The following PCNX2 variants were observed in gnomAD, a reference collection of about 807,000 sequenced individuals.
The protein encoded by PCNX2 is pecanex 2.
Under a neutral mutation model 223.8 loss-of-function variants are expected in PCNX2, and 168 were observed. The ratio of observed to expected loss-of-function variants is 0.75; its 90% CI spans 0.66 to 0.85. The LOEUF (loss-of-function observed/expected upper bound fraction) is 0.85. Ranked by LOEUF, PCNX2 falls within the 40% of genes least tolerant of loss-of-function variation. The probability of loss-of-function intolerance (pLI) is 0.00; values close to 1 mark genes in which losing one functional copy is unlikely to be tolerated. For missense variants in PCNX2, 2,507 were observed against 2,675.5 expected (o/e 0.94, Z 1.39); for synonymous variants, 1,006 against 1,052.6 (o/e 0.96, Z 0.86).
At chr1:233,031,479 T>C (rs1476312240) in intron 25 of PCNX2, among the ~76,000 whole-genome samples, 1 of 152,248 alleles carries the variant, frequency 6.6e-6, no homozygotes, top group Non-Finnish European at 1.5e-5. Flanking sequence ...CATAGCAGTA[T>C]ATTGTATTAC....
At chr1:233,144,942 G>GTTTT in intron 19 of PCNX2, among the ~76,000 whole-genome samples, 1 of 138,146 alleles carries the variant, frequency 7.2e-6, no homozygotes, top group African/African-American at 2.7e-5. Context: ...ATTTGTTGTT[G>GTTTT]TTGTTGTTTT....
chr1:233,041,358 C>T (rs1671639599), intron 25 of PCNX2, among the ~76,000 whole-genome samples: 1 of 152,174 alleles, frequency 6.6e-6, no homozygotes, highest in African/African-American at 2.4e-5. Context: ...AATCCGAAAC[C>T]TTTTGAGCAC....
At chr1:233,071,132 C>A (rs1672836845) in intron 23 of PCNX2, among the ~76,000 whole-genome samples, 1 of 152,168 alleles carries the variant, frequency 6.6e-6, no homozygotes, top group African/African-American at 2.4e-5. Flanking sequence ...GGGAAAGCTG[C>A]AAGGATGTCC....
At chr1:232,985,941 T>C in intron 33 of PCNX2, 151 bp downstream of exon 33, 1 of 844,840 alleles carries the variant, frequency 1.2e-6, no homozygotes, top group African/African-American at 1.7e-5. Context: ...TCGTGTCTAA[T>C]CACTGTCCTT....
intron 19 of PCNX2, among the ~76,000 whole-genome samples, chr1:233,156,410 A>C (rs565020666): frequency 6.6e-6 from 1 of 152,342 alleles, no homozygotes; most frequent in East Asian, 1.9e-4. Flanking sequence ...GATGATGGTT[A>C]CATTAAACGC....
intron 12 of PCNX2, among the ~76,000 whole-genome samples, chr1:233,209,924 A>C (rs905014232): frequency 3.3e-5 from 5 of 152,262 alleles, no homozygotes; most frequent in African/African-American, 1.2e-4. Context: ...CAGTATACAA[A>C]TACACATGTA....
At chr1:232,995,601 T>C (rs1669848295) in intron 32 of PCNX2, among the ~76,000 whole-genome samples, 1 of 152,166 alleles carries the variant, frequency 6.6e-6, no homozygotes, top group African/African-American at 2.4e-5. Context: ...ACCCATGATT[T>C]TTGTTTTAAT....
In PCNX2 at chr1:233,295,331, G is replaced by A. The variant is rs1038876848; in HGVS notation, c.148C>T (p.His50Tyr). The stretch of plus-strand genomic sequence containing the variant: ...ACCGGACCCTCCCCACTCACCAGGT[G>A]CAGGGCCAGGGGCAGCAGCAGGAGG... ...LFLLLLPLAL[H>Y]LAFPPNAIIV... is the part of the protein sequence containing the mutation. Residue 50 changes from histidine to tyrosine, a missense_variant, in exon 1 of 34, where the codon CAC (histidine) becomes TAC (tyrosine). Coordinates refer to ENST00000258229, the MANE Select transcript of PCNX2 (RefSeq NM_014801.4). The surrounding 1 kb of genome is among the most constrained non-coding windows in gnomAD (Gnocchi z 4.1). 8 of 1,576,182 alleles carry A rather than the reference G, an allele frequency of 5.1e-6. No individual in the cohort carries two copies. The African/African-American group carries it at 8.1e-5, about 16-fold the overall frequency.
the PCNX2 span, among the ~76,000 whole-genome samples, chr1:233,321,072 G>T: frequency 4.2e-5 from 5 of 119,890 alleles, no homozygotes; most frequent in African/African-American, 6.5e-5. Context: ...CAGGCTGGAT[G>T]CAGTGGTGCG....
the PCNX2 span, among the ~76,000 whole-genome samples, chr1:233,325,624 G>A: frequency 6.6e-6 from 1 of 152,064 alleles, no homozygotes; most frequent in Non-Finnish European, 1.5e-5. Context: ...TGCATGAGCC[G>A]AGAAGTGGAG....
At chr1:233,306,029 A>G in the PCNX2 span, among the ~76,000 whole-genome samples, 1 of 152,244 alleles carries the variant, frequency 6.6e-6, no homozygotes. Context: ...ATTCAAGGAT[A>G]TAAACAGGTG....
At position 232,991,056 on chromosome 1, in the gene PCNX2, A is replaced by T. The variant is rs140563357; in HGVS notation, c.5792-4516T>A. On this transcript the variant is annotated intron_variant, in intron 32 of 33. Transcript: ENST00000258229. This position sits in a 1 kb window ranked among gnomAD's most constrained non-coding sequence, Gnocchi z 4.3. ...CACCTGAGCGTCCACCGTGGGCTGC[A>T]CTGTCCTAGGTGCCGGGCAGTGAGC... Among the ~76,000 whole-genome samples the T allele has an allele frequency of 2.2e-3, 328 of 152,290 alleles. 1 individual carries two copies. The highest frequency in any genetic ancestry group is 3.9e-3 in the Admixed American group (59 of 15,302).
the PCNX2 span, among the ~76,000 whole-genome samples, chr1:233,311,045 G>A: frequency 6.6e-6 from 1 of 152,172 alleles, no homozygotes; most frequent in Admixed American, 6.5e-5. Context: ...GCAGGAAGCC[G>A]CAAGTTATGC....
chr1:233,172,598 C>A, intron 17 of PCNX2: 1 of 956,338 alleles, frequency 1.0e-6, no homozygotes, highest in Non-Finnish European at 1.2e-6. Context: ...TGGACACCCA[C>A]CTGGGCTTCA....
In PCNX2 at chr1:233,149,567, T is replaced by C. The variant is rs564955093; in HGVS notation, c.3518-9712A>G. On this transcript the variant is annotated intron_variant, in intron 19 of 33. Transcript: ENST00000258229. ...CATCTGTGCTGTTACCATCCCCTTA[T>C]TATAGACAATTGCTTTTTTCTGTAA... is the stretch of plus-strand genomic sequence containing the variant. Among the ~76,000 whole-genome samples the C allele has an allele frequency of 3.9e-5, 6 of 152,318 alleles. No homozygotes were observed. The East Asian group carries it at 9.7e-4, about 25-fold the overall frequency.
chr1:233,286,568 G>A (rs191832357), intron 1 of PCNX2, among the ~76,000 whole-genome samples: 4 of 152,240 alleles, frequency 2.6e-5, no homozygotes, highest in Non-Finnish European at 4.4e-5. Context: ...AATGGGCTAC[G>A]GAGCAGAGGA....
In PCNX2 at chr1:233,044,978, T is replaced by C. The variant is rs78599369; in HGVS notation, c.4351+9290A>G. Among the ~76,000 whole-genome samples the C allele has an allele frequency of 4.9e-3, 747 of 152,312 alleles. 8 individuals are homozygous for C. Among genetic ancestry groups the C allele is most frequent in the African/African-American group, 0.017 (723 of 41,570 alleles). On this transcript the variant is annotated intron_variant, in intron 25 of 33. Transcript: ENST00000258229. Reference sequence around the variant, plus strand: ...GCCACCACACCCGTCCTATTTGTATTCTTGATATAGAATTTGTATCAATCA... The same window carrying C: ...GCCACCACACCCGTCCTATTTGTATCCTTGATATAGAATTTGTATCAATCA...
chr1:233,105,398 TA>T lies in PCNX2; in HGVS notation c.3838-9536del, dbSNP rs1232682096. ...AAACTAGTAATAAAAGAGTTCTTTT[TA>T]AACCTCATAGAGGATACCAGAGCTA... On this transcript the variant is annotated intron_variant, in intron 21 of 33. Transcript: ENST00000258229. Among the ~76,000 whole-genome samples the T allele has an allele frequency of 7.2e-5, 11 of 152,324 alleles. No homozygotes were observed. In the East Asian group the frequency reaches 1.9e-3, roughly 27 times the overall value.
intron 26 of PCNX2, among the ~76,000 whole-genome samples, chr1:233,021,578 A>C (rs1670891567): frequency 6.6e-6 from 1 of 152,156 alleles, no homozygotes; most frequent in Non-Finnish European, 1.5e-5. Context: ...TGTGTAGTTA[A>C]CTAGCTTGCA....
Sources: allele counts gnomAD v4.1 joint callset (sites outside exome capture counted in the v4.1 genomes callset), GRCh38; gene constraint gnomAD v4.1.1; non-coding constraint Gnocchi (gnomAD v3.1); transcripts MANE v1.5; gene names NCBI Gene and HGNC (gene_info 2026-07-23, HGNC 2026-07-21).